The following MDN1 variants were observed in gnomAD, a reference collection of about 807,000 sequenced individuals.
MDN1 encodes the protein midasin.
In MDN1, 266 loss-of-function variants were observed where a neutral mutation model predicts 669.2. The ratio of observed to expected loss-of-function variants is 0.40; its 90% CI spans 0.36 to 0.44. MDN1 has a LOEUF of 0.44. Ranked by LOEUF, MDN1 falls within the 20% of genes least tolerant of loss-of-function variation. The pLI is 1.00. For missense variants in MDN1, 5,940 were observed against 6,754.0 expected (o/e 0.88, Z 4.22); for synonymous variants, 2,385 against 2,457.1 (o/e 0.97, Z 0.87).
chr6:89,668,134 T>G lies in MDN1; in HGVS notation c.13974A>C (p.Lys4658Asn). 6.2e-7 allele frequency: 1 copy of G among 1,614,116 alleles called. No individual in the cohort carries two copies. The highest frequency in any genetic ancestry group is 8.5e-7 in the Non-Finnish European group (1 of 1,179,984). The stretch of plus-strand genomic sequence containing the variant: ...CTCCAGCTGAATCTTCCATAAATTC[T>G]TTGGGCAAGCAAAATCCCTTAGAAA... ...ELAQKGFCLP[K>N]EFMEDSAGEG... Residue 4658 changes from lysine (K) to asparagine (N), a missense_variant, in exon 84 of 102, where the codon AAA (lysine) becomes AAC (asparagine). Physicochemically the swap from Lys to Asn is moderately conservative, Grantham distance 94. Coordinates refer to ENST00000369393, the MANE Select transcript of MDN1 (RefSeq NM_014611.3).
intron 29 of MDN1, among the ~76,000 whole-genome samples, chr6:89,744,415 T>C (rs935663406): frequency 6.0e-5 from 9 of 149,936 alleles, no homozygotes; most frequent in African/African-American, 1.9e-4. Context: ...ACTCCATCTT[T>C]TTTTTAGTCA....
At chr6:89,715,010 A>G (rs1814229191) in intron 45 of MDN1, among the ~76,000 whole-genome samples, 1 of 152,222 alleles carries the variant, frequency 6.6e-6, no homozygotes, top group African/African-American at 2.4e-5. Flanking sequence ...GATATTCCCC[A>G]GAGTAGGCTG....
At position 89,725,273 on chromosome 6, in the gene MDN1, C is replaced by CA; in HGVS notation, c.5595dup (p.Gly1866TrpfsTer7). 1 of 1,614,014 alleles carries CA rather than the reference C, an allele frequency of 6.2e-7. No homozygotes were observed. The highest frequency in any genetic ancestry group is 8.5e-7 in the Non-Finnish European group (1 of 1,179,960). ...CCTTGTCTAAAGGGATTCTGACACC[C>CA]AAAAATCTTCGTCTTTTCATGCTGC... On this transcript the variant is annotated frameshift_variant, in exon 38 of 102. Transcript: ENST00000369393. LOFTEE classifies it high-confidence loss of function.
At chr6:89,783,091 C>G (rs188223719) in intron 9 of MDN1, among the ~76,000 whole-genome samples, 4 of 151,944 alleles carry the variant, frequency 2.6e-5, no homozygotes, top group Admixed American at 6.6e-5. Flanking sequence ...AGAATAACAG[C>G]GATTTTTAGG....
intron 5 of MDN1, among the ~76,000 whole-genome samples, chr6:89,791,928 C>T (rs914557863): frequency 1.5e-5 from 2 of 132,356 alleles, no homozygotes; most frequent in South Asian, 2.3e-4. Context: ...AGTGCAGTGG[C>T]ACGATCTCGG....
intron 35 of MDN1, 37 bp from the exon 36 acceptor site, chr6:89,729,176 A>G (rs745445738): frequency 1.3e-6 from 2 of 1,542,272 alleles, no homozygotes; most frequent in Non-Finnish European, 1.8e-6. Flanking sequence ...TATAAGCGGG[A>G]CATCATCAAA....
chr6:89,801,659 A>G (rs1163571480), intron 2 of MDN1, among the ~76,000 whole-genome samples: 2 of 151,742 alleles, frequency 1.3e-5, no homozygotes, highest in South Asian at 4.2e-4. Context: ...CAAAAAAAAA[A>G]CAAAACAAAA....
At chr6:89,715,928 A>G (rs889058281) in intron 44 of MDN1, among the ~76,000 whole-genome samples, 159 bp from the exon 45 acceptor site, 1 of 152,206 alleles carries the variant, frequency 6.6e-6, no homozygotes, top group Non-Finnish European at 1.5e-5. Context: ...TAGATTCCCC[A>G]TTGATTTTCC....
rs777437979 is a variant in MDN1 at position 89,722,992 on chromosome 6, T to C, written c.5930A>G (p.Tyr1977Cys). Reference sequence around the variant, plus strand: ...CTCTTCGGTTCTCATTCTTTCACCATAGACCAAAAACACATGCTGACCAGG... The same window carrying C: ...CTCTTCGGTTCTCATTCTTTCACCACAGACCAAAAACACATGCTGACCAGG... ...YDPGQHVFLV[Y>C]GERMRTEEDK... The change falls in exon 40 of 102, where the codon TAT becomes TGT. Residue 1977 changes from tyrosine (Y) to cysteine (C), a missense_variant. Physicochemically the swap from Tyr to Cys is radical, Grantham distance 194. Transcript: ENST00000369393. 7 of 1,613,926 alleles carry C rather than the reference T, an allele frequency of 4.3e-6. No individual in the cohort carries two copies. Among genetic ancestry groups the C allele is most frequent in the East Asian group, 2.2e-5 (1 of 44,872 alleles).
chr6:89,650,762 A>G lies in MDN1; in HGVS notation c.16001T>C (p.Ile5334Thr). 6.2e-7 allele frequency: 1 copy of G among 1,614,098 alleles called. No individual in the cohort carries two copies. The stretch of plus-strand genomic sequence containing the variant: ...CTTGGCTGCCTGGGTAGGCTCTAAT[A>G]TGAGACGAAGCTCTTCACATAACCG... Reference protein sequence around the residue: ...SQRLCEELRLILEPTQAAKLK... With the variant: ...SQRLCEELRLTLEPTQAAKLK... The change falls in exon 96 of 102, where the codon ATA becomes ACA. Residue 5334 changes from isoleucine to threonine, a missense_variant. Around this residue, in one of 5 missense-constraint regions of MDN1, gnomAD observed 2,280 missense variants for 2,576.3 expected, o/e 0.88. Transcript: ENST00000369393.
rs1413748543 is a variant in MDN1 at position 89,649,768 on chromosome 6, T to C, written c.16206+256A>G. On this transcript the variant is annotated intron_variant, in intron 97 of 101. Coordinates refer to ENST00000369393, the MANE Select transcript of MDN1 (RefSeq NM_014611.3). ...ACAGCAAGGTCAAGAAACAAAACAATGTAAAAGACCTACAACAGTAAGAAA... is the reference window on the plus strand; with the variant it reads ...ACAGCAAGGTCAAGAAACAAAACAACGTAAAAGACCTACAACAGTAAGAAA... 1.3e-4 allele frequency among the ~76,000 whole-genome samples: 20 copies of C among 152,104 alleles called. 1 individual carries two copies. Among genetic ancestry groups the C allele is most frequent in the Admixed American group, 1.3e-3 (20 of 15,264 alleles).
At chr6:89,649,163 G>A (rs61415502) in intron 97 of MDN1, among the ~76,000 whole-genome samples, 3 of 152,116 alleles carry the variant, frequency 2.0e-5, no homozygotes, top group Admixed American at 6.6e-5. Flanking sequence ...AACTATATCA[G>A]AAAATTTCAT....
intron 73 of MDN1, among the ~76,000 whole-genome samples, chr6:89,681,417 G>A (rs1402405698): frequency 6.6e-6 from 1 of 152,126 alleles, no homozygotes; most frequent in African/African-American, 2.4e-5. Flanking sequence ...CAAATGATCT[G>A]CCTGCCTTGG....
At chr6:89,786,443 A>ACT (rs1818962397) in intron 8 of MDN1, among the ~76,000 whole-genome samples, 2 of 151,386 alleles carry the variant, frequency 1.3e-5, no homozygotes, top group East Asian at 3.9e-4. Context: ...TAATAATAAT[A>ACT]AAAAAAATTT....
chr6:89,697,835 G>C (rs1370774011), intron 59 of MDN1, among the ~76,000 whole-genome samples: 4 of 151,924 alleles, frequency 2.6e-5, no homozygotes, highest in Non-Finnish European at 5.9e-5. Flanking sequence ...ACCCACCTCA[G>C]CCTCCCAAAG....
intron 35 of MDN1, 151 bp from the exon 36 acceptor site, chr6:89,729,290 T>A (rs1815424397): frequency 3.0e-6 from 2 of 668,832 alleles, no homozygotes; most frequent in South Asian, 3.9e-5. Context: ...TTTCAATATT[T>A]CCCCACTTTT....
chr6:89,702,783 A>G (rs1262657276), intron 53 of MDN1, among the ~76,000 whole-genome samples: 1 of 152,130 alleles, frequency 6.6e-6, no homozygotes, highest in Non-Finnish European at 1.5e-5. Context: ...ATTTTTTTTC[A>G]TTTAGAAAGA....
chr6:89,784,946 T>C, intron 9 of MDN1, 66 bp downstream of exon 9: 1 of 1,041,254 alleles, frequency 9.6e-7, no homozygotes, highest in Middle Eastern at 2.0e-4. Context: ...TTTATTATAC[T>C]ATTTCCTATT....
Position 89,819,688 on chromosome 6 carries a change from C to T in MDN1, c.-81G>A. On this transcript the variant is annotated 5_prime_UTR_variant, in exon 1 of 102. Transcript: ENST00000369393. ...TCCCCAAGCCGCCGAGGTCCCAGTG[C>T]CCGAGCAGCCAGCAACTACGCCCGC... The T allele has an allele frequency of 8.5e-7, 1 of 1,174,352 alleles. No individual in the cohort carries two copies. The allele number at this position is 1,174,352 out of a possible 1,614,324, so 72.7% of individuals were successfully genotyped here.
Sources: gnomAD v4.1 joint callset for allele counts (sites outside exome capture counted in the v4.1 genomes callset) on GRCh38, gnomAD v4.1.1 for gene constraint, gnomAD v4.1.1 regional missense constraint, MANE v1.5 for transcripts, NCBI Gene and HGNC (gene_info 2026-07-23, HGNC 2026-07-21) for gene names.